ZNF69: variants seen among roughly 807,000 people sequenced by gnomAD.
The protein encoded by ZNF69 is zinc finger protein 69.
Under a neutral mutation model 50.9 loss-of-function variants are expected in ZNF69, and 47 were observed. That is an observed-to-expected ratio of 0.92 (90% CI 0.73 to 1.18). The LOEUF is 1.18. Ranked by LOEUF, ZNF69 falls within the 50% of genes most tolerant of loss-of-function variation. The pLI is 0.00. For synonymous variants in ZNF69, 216 were observed against 223.1 expected (o/e 0.97, Z 0.29); for missense variants, 717 against 675.1 (o/e 1.06, Z -0.69).
the ZNF69 span, chr19:11,947,276 G>A: frequency 6.2e-7 from 1 of 1,614,000 alleles, no homozygotes; most frequent in African/African-American, 1.3e-5. Context: ...GGGAAGTGAT[G>A]CTGGAAACTT....
the ZNF69 span, among the ~76,000 whole-genome samples, chr19:11,962,608 C>T: frequency 2.0e-5 from 3 of 152,104 alleles, no homozygotes; most frequent in Non-Finnish European, 4.4e-5. Context: ...TGACCCCCCC[C>T]CACCTCAGCC....
chr19:11,947,614 C>T, the ZNF69 span: 15 of 1,539,502 alleles, frequency 9.7e-6, no homozygotes, highest in African/African-American at 1.4e-5. Flanking sequence ...TCTCTCTGCA[C>T]AATCTTAGAA....
the ZNF69 span, among the ~76,000 whole-genome samples, chr19:11,939,365 C>T: frequency 6.6e-6 from 1 of 152,148 alleles, no homozygotes; most frequent in Non-Finnish European, 1.5e-5. Flanking sequence ...TTAGGTCTAA[C>T]ATTTAAGTCT....
downstream of ZNF69, among the ~76,000 whole-genome samples, chr19:11,909,170 G>A (rs935584261): frequency 6.6e-6 from 1 of 152,130 alleles, no homozygotes; most frequent in Non-Finnish European, 1.5e-5. Context: ...TGAAATTGAG[G>A]CAATAATTAA....
the ZNF69 span, chr19:11,950,100 A>G: frequency 9.3e-6 from 15 of 1,614,080 alleles, no homozygotes; most frequent in African/African-American, 1.3e-5. Context: ...AGATTCTTCA[A>G]ATACATGCAA....
chr19:11,979,115 A>G, the ZNF69 span: 2 of 1,613,532 alleles, frequency 1.2e-6, no homozygotes, highest in Middle Eastern at 1.6e-4. Flanking sequence ...TATAAATGTT[A>G]GATATGTGGG....
At chr19:11,970,716 A>G in the ZNF69 span, among the ~76,000 whole-genome samples, 1 of 152,090 alleles carries the variant, frequency 6.6e-6, no homozygotes, top group Admixed American at 6.5e-5. Flanking sequence ...CAGATCACCT[A>G]AGGTCAGGAG....
At chr19:11,949,003 A>C in the ZNF69 span, 4 of 1,606,926 alleles carry the variant, frequency 2.5e-6, no homozygotes, top group Non-Finnish European at 3.4e-6. Flanking sequence ...ACATGAAAGG[A>C]CCCACTCTGG....
intron 1 of ZNF69, among the ~76,000 whole-genome samples, chr19:11,897,604 A>T (rs1219039801): frequency 1.3e-5 from 2 of 150,504 alleles, no homozygotes; most frequent in African/African-American, 4.9e-5. Context: ...CAGGTGCGGT[A>T]GCTCACGTCT....
chr19:11,936,464 C>G, the ZNF69 span, among the ~76,000 whole-genome samples: 1 of 152,202 alleles, frequency 6.6e-6, no homozygotes, highest in African/African-American at 2.4e-5. Flanking sequence ...TTTCATGTGT[C>G]TGTTGGCTGC....
chr19:11,922,981 TA>T, the ZNF69 span, among the ~76,000 whole-genome samples: 1 of 151,998 alleles, frequency 6.6e-6, no homozygotes, highest in Non-Finnish European at 1.5e-5. Context: ...CCTGGCTAAT[TA>T]AAAAATAGAT....
intron 4 of ZNF69, among the ~76,000 whole-genome samples, chr19:11,912,335 T>C (rs1308181414): frequency 2.6e-5 from 4 of 152,186 alleles, no homozygotes; most frequent in African/African-American, 9.6e-5. Context: ...TTTGAATACA[T>C]GCAAGAACAC....
At chr19:11,934,600 C>T in the ZNF69 span, among the ~76,000 whole-genome samples, 20 of 147,656 alleles carry the variant, frequency 1.4e-4, 2 homozygotes, top group Admixed American at 1.1e-3. Context: ...AATCTCAGCT[C>T]ACTGCAGCCT....
the ZNF69 span, chr19:11,978,110 T>C: frequency 1.9e-6 from 3 of 1,608,680 alleles, no homozygotes; most frequent in Non-Finnish European, 1.7e-6. Context: ...TTCTCACTTT[T>C]GACAGGAGTC....
the ZNF69 span, among the ~76,000 whole-genome samples, chr19:11,930,018 C>G: frequency 1.4e-5 from 2 of 147,906 alleles, no homozygotes; most frequent in African/African-American, 5.3e-5. Flanking sequence ...TGTAGCTGAC[C>G]CAAGACCCCC....
At position 11,895,611 on chromosome 19, in the gene ZNF69, T is replaced by A. The variant is rs917268550; in HGVS notation, c.63+7625T>A. On this transcript the variant is annotated intron_variant, in intron 1 of 3. Transcript: ENST00000429654. ...CACCAGAATGCAGTCGTGTAAGAAA[T>A]ATATGTGAGTTGACCACATGGAGGA... is the stretch of plus-strand genomic sequence containing the variant. 8.5e-5 allele frequency among the ~76,000 whole-genome samples: 13 copies of A among 152,118 alleles called. No homozygotes were observed. In the East Asian group the frequency reaches 2.5e-3, roughly 29 times the overall value.
the ZNF69 span, among the ~76,000 whole-genome samples, chr19:11,939,160 C>G: frequency 3.3e-5 from 5 of 152,070 alleles, no homozygotes; most frequent in Non-Finnish European, 5.9e-5. Flanking sequence ...TAAAAATTTT[C>G]TCCCATTCTA....
At chr19:11,977,377 A>G in the ZNF69 span, 1 of 1,613,834 alleles carries the variant, frequency 6.2e-7, no homozygotes, top group Non-Finnish European at 8.5e-7. Flanking sequence ...TTAGGGAAAA[A>G]GTGGAAAGAC....
the ZNF69 span, chr19:11,924,921 T>G: frequency 2.7e-6 from 1 of 374,538 alleles, no homozygotes; most frequent in South Asian, 2.4e-5. Context: ...ATAACCAGAG[T>G]GCAGAAAGCA....
Sources: allele counts gnomAD v4.1 joint callset (sites outside exome capture counted in the v4.1 genomes callset), GRCh38; gene constraint gnomAD v4.1.1; transcripts MANE v1.5; gene names NCBI Gene and HGNC (gene_info 2026-07-23, HGNC 2026-07-21).